The following LIPA variants were observed in gnomAD, a reference collection of about 807,000 sequenced individuals.
LIPA encodes lysosomal acid lipase/cholesteryl ester hydrolase.
Under a neutral mutation model 40.6 loss-of-function variants are expected in LIPA, and 26 were observed. That is an observed-to-expected ratio of 0.64 (90% CI 0.47 to 0.89). The LOEUF (loss-of-function observed/expected upper bound fraction) is 0.89. Among genes scored for constraint, LIPA ranks in the 40% least tolerant of loss-of-function variants. The probability of loss-of-function intolerance (pLI) is 0.00; values close to 1 mark genes in which losing one functional copy is unlikely to be tolerated. For synonymous variants in LIPA, 188 were observed against 168.4 expected, an observed-to-expected ratio of 1.12 and a Z score of -0.90; for missense variants, 455 against 479.6, an observed-to-expected ratio of 0.95 and a Z score of 0.48.
At chr10:89,246,120 C>A (rs910600233) in intron 2 of LIPA, among the ~76,000 whole-genome samples, 3 of 152,148 alleles carry the variant, frequency 2.0e-5, no homozygotes, top group Non-Finnish European at 2.9e-5. Flanking sequence ...ATGCTCATTT[C>A]TTTCTTTTCT....
At chr10:89,215,801 T>C in intron 9 of LIPA, 137 bp downstream of exon 9, 1 of 765,524 alleles carries the variant, frequency 1.3e-6, no homozygotes. Flanking sequence ...CTGAATGGAC[T>C]GATGGAAAAC....
chr10:89,270,742 A>G (rs1169322405), intron 1 of LIPA, among the ~76,000 whole-genome samples: 2 of 152,222 alleles, frequency 1.3e-5, no homozygotes, highest in African/African-American at 4.8e-5. Context: ...TCTGCTACTC[A>G]TGTTATACGA....
intron 2 of LIPA, among the ~76,000 whole-genome samples, chr10:89,382,456 G>GA (rs1844170334): frequency 6.6e-6 from 1 of 152,084 alleles, no homozygotes; most frequent in South Asian, 2.1e-4. Context: ...AACTATTGGG[G>GA]AAAAAAACCC....
chr10:89,384,824 G>T, intron 2 of LIPA: 1 of 1,213,980 alleles, frequency 8.2e-7, no homozygotes, highest in South Asian at 1.5e-5. Context: ...AAAGCTGTTG[G>T]AAATTTACCT....
rs747792993 is a variant in LIPA at position 89,223,757 on chromosome 10, T to G, written c.749A>C (p.His250Pro). 161 of 1,613,698 alleles carry G rather than the reference T, an allele frequency of 1.0e-4. No individual in the cohort carries two copies. The highest frequency in any genetic ancestry group is 1.3e-4 in the Non-Finnish European group (149 of 1,179,706). ...TCCACAGAGCTCCTTCAGTATGACA[T>G]GAGTGCAAACGTGGGTACCCAGCCA... Reference protein sequence around the residue: ...LKWLGTHVCTHVILKELCGNL... With the variant: ...LKWLGTHVCTPVILKELCGNL... Residue 250 changes from histidine to proline, a missense_variant, in exon 7 of 10, where the codon CAT (histidine) becomes CCT (proline). By Grantham distance (77) the His-to-Pro change is moderately conservative (BLOSUM62 -2). Transcript: ENST00000336233.
At chr10:89,215,529 C>A (rs929520376) in intron 9 of LIPA, among the ~76,000 whole-genome samples, 18 of 152,312 alleles carry the variant, frequency 1.2e-4, no homozygotes, top group Admixed American at 1.2e-3. Context: ...ATTTAAAAAA[C>A]AGAGCAAAGT....
At chr10:89,339,000 T>A in intron 1 of LIPA, 1 of 1,614,156 alleles carries the variant, frequency 6.2e-7, no homozygotes, top group Non-Finnish European at 8.5e-7. Context: ...ATGCTCAGAT[T>A]TATGTAGATA....
intron 1 of LIPA, among the ~76,000 whole-genome samples, chr10:89,317,568 G>A (rs960327437): frequency 6.6e-6 from 1 of 152,194 alleles, no homozygotes; most frequent in African/African-American, 2.4e-5. Context: ...GGGACTATGT[G>A]AAAAGACCAA....
intron 2 of LIPA, among the ~76,000 whole-genome samples, chr10:89,407,472 C>T (rs752965492): frequency 6.6e-5 from 10 of 152,158 alleles, no homozygotes; most frequent in African/African-American, 9.7e-5. Flanking sequence ...AAAGCCCCAT[C>T]GTATGGGGGA....
At chr10:89,332,232 G>C (rs928267795) in intron 1 of LIPA, among the ~76,000 whole-genome samples, 1 of 152,236 alleles carries the variant, frequency 6.6e-6, no homozygotes, top group African/African-American at 2.4e-5. Flanking sequence ...AAGAGCAACA[G>C]TCATGCACCT....
At chr10:89,350,754 G>A (rs952399817) in intron 2 of LIPA, among the ~76,000 whole-genome samples, 1 of 152,154 alleles carries the variant, frequency 6.6e-6, no homozygotes, top group African/African-American at 2.4e-5. Context: ...CATGTTTTGC[G>A]ACTTGAGTTT....
intron 1 of LIPA, chr10:89,338,770 T>A (rs781593815): frequency 5.6e-6 from 9 of 1,614,120 alleles, no homozygotes; most frequent in Non-Finnish European, 7.6e-6. Flanking sequence ...AGATAGAGTG[T>A]GTAACCAGAT....
At chr10:89,390,484 C>T (rs751322856) in intron 2 of LIPA, among the ~76,000 whole-genome samples, 12 of 152,170 alleles carry the variant, frequency 7.9e-5, no homozygotes, top group Non-Finnish European at 1.8e-4. Context: ...AGCAGTTTAT[C>T]ATAACTGGTC....
chr10:89,214,903 A>C lies in LIPA; in HGVS notation c.1125T>G (p.Leu375=). 3 of 1,614,102 alleles carry C rather than the reference A, an allele frequency of 1.9e-6. No homozygotes were observed. The highest frequency in any genetic ancestry group is 2.5e-6 in the Non-Finnish European group (3 of 1,179,934). The part of the protein sequence containing the change: ...FHESIPEWEH[L]DFIWGLDAPW... Reference sequence around the variant, plus strand: ...GGGCATCCAGGCCCCAAATGAAGTCAAGATGCTCCCATTCCGGAATGCTCT... The same window carrying C: ...GGGCATCCAGGCCCCAAATGAAGTCCAGATGCTCCCATTCCGGAATGCTCT... Residue 375 remains leucine, a synonymous_variant, in exon 10 of 10, where the codon CTT becomes CTG. Transcript: ENST00000336233.
intron 2 of LIPA, among the ~76,000 whole-genome samples, chr10:89,355,828 T>A (rs965087534): frequency 6.6e-5 from 10 of 152,142 alleles, no homozygotes; most frequent in African/African-American, 2.4e-4. Context: ...GACACTCCCA[T>A]CAGCGCCATG....
chr10:89,239,855 T>C (rs967825778), intron 3 of LIPA, among the ~76,000 whole-genome samples: 5 of 152,202 alleles, frequency 3.3e-5, no homozygotes, highest in African/African-American at 9.7e-5. Flanking sequence ...TAGTATACGA[T>C]GCAGCTGGGA....
upstream of LIPA, among the ~76,000 whole-genome samples, chr10:89,346,407 C>T (rs1843921872): frequency 6.6e-6 from 1 of 152,218 alleles, no homozygotes; most frequent in South Asian, 2.1e-4. Context: ...AACCTGGGAT[C>T]TTCCCCAAAA....
Position 89,299,434 on chromosome 10 carries a change from T to C in LIPA, c.-2+43177A>G, listed in dbSNP as rs148679743. 2.2e-3 allele frequency among the ~76,000 whole-genome samples: 341 copies of C among 152,308 alleles called. 2 individuals are homozygous for C. Among genetic ancestry groups the C allele is most frequent in the Middle Eastern group, 6.8e-3 (2 of 294 alleles). On this transcript the variant is annotated intron_variant, in intron 1 of 5. Transcript: ENST00000282673. ...AACTGAAAGGGTTTGAAAACCTATG[T>C]AATGAAATAATAGATGAGAACTTCC...
intron 2 of LIPA, among the ~76,000 whole-genome samples, chr10:89,409,469 C>G (rs980581289): frequency 6.6e-6 from 1 of 152,180 alleles, no homozygotes; most frequent in Non-Finnish European, 1.5e-5. Context: ...TCCACTATGC[C>G]AAAGCAATCA....
Sources: gnomAD v4.1 joint callset for allele counts (sites outside exome capture counted in the v4.1 genomes callset) on GRCh38, gnomAD v4.1.1 for gene constraint, MANE v1.5 for transcripts, NCBI Gene and HGNC (gene_info 2026-07-23, HGNC 2026-07-21) for gene names.